MCF2L: variants seen among roughly 807,000 people sequenced by gnomAD.
MCF2L encodes the protein guanine nucleotide exchange factor DBS.
A neutral mutation model predicts 153.4 loss-of-function variants in MCF2L; 97 were observed. That is an observed-to-expected ratio of 0.63 (90% CI 0.54 to 0.75). The LOEUF (loss-of-function observed/expected upper bound fraction) is 0.75. MCF2L is among the 30% of genes least tolerant of loss of function. The pLI is 0.00. For missense variants in MCF2L, 1,347 were observed against 1,495.2 expected (o/e 0.90, Z 1.64); for synonymous variants, 659 against 632.2 (o/e 1.04, Z -0.64).
intron 1 of MCF2L, among the ~76,000 whole-genome samples, chr13:112,989,171 AGCT>A (rs2082790154): frequency 9.6e-6 from 1 of 104,110 alleles, no homozygotes; most frequent in Non-Finnish European, 2.2e-5. Context: ...CAGGGGATGG[AGCT>A]ACCACACCGG....
intron 4 of MCF2L, among the ~76,000 whole-genome samples, chr13:113,056,628 T>G (rs2029881526): frequency 2.5e-5 from 3 of 119,566 alleles, no homozygotes; most frequent in African/African-American, 3.2e-5. Context: ...TGCTGAGTGT[T>G]TGGGTGCTGT....
chr13:113,008,937 G>C (rs896331495), intron 1 of MCF2L: 1 of 142,880 alleles, frequency 7.0e-6, no homozygotes, highest in East Asian at 1.9e-4. Context: ...GCAGCGTGGA[G>C]AGGGAGCGCA....
chr13:112,939,592 C>T (rs1460370118), intron 2 of MCF2L, among the ~76,000 whole-genome samples: 1 of 152,212 alleles, frequency 6.6e-6, no homozygotes, highest in Non-Finnish European at 1.5e-5. Flanking sequence ...TGAAGATCCA[C>T]TGATGCTAAC....
rs146333822 is a variant in MCF2L at position 113,074,521 on chromosome 13, G to C, written c.1074G>C (p.Glu358Asp). The C allele has an allele frequency of 1.5e-4, 239 of 1,614,088 alleles. No individual in the cohort carries two copies. In the African/African-American group the frequency reaches 2.9e-3, roughly 20 times the overall value. ...TDIGNSLAHV[E>D]HLLRDLASFE... is the part of the protein sequence containing the mutation. ...TCGGCAACAGCCTGGCGCATGTGGA[G>C]CACCTGCTGAGGGACCTGGCCAGCT... The change falls in exon 10 of 30, where the codon GAG becomes GAC. Residue 358 changes from glutamate to aspartate, a missense_variant. Glu to Asp is a conservative substitution (Grantham distance 45). This residue lies in a region of MCF2L where 820 missense variants were observed against 921.2 expected (regional missense o/e 0.89). Transcript: ENST00000535094. This position sits in a 1 kb window ranked among gnomAD's most constrained non-coding sequence, Gnocchi z 4.2.
intron 23 of MCF2L, 103 bp from the exon 24 acceptor site, chr13:113,088,223 CT>C: frequency 9.6e-7 from 1 of 1,041,080 alleles, no homozygotes; most frequent in Non-Finnish European, 1.5e-6. Flanking sequence ...GCCACCTGAC[CT>C]TTGACTCCTA....
chr13:113,016,919 C>T (rs376540414), intron 2 of MCF2L, among the ~76,000 whole-genome samples: 28 of 152,314 alleles, frequency 1.8e-4, no homozygotes, highest in African/African-American at 6.0e-4. Flanking sequence ...AGCTGCCTCC[C>T]GGCTTCTAGA....
intron 1 of MCF2L, among the ~76,000 whole-genome samples, chr13:112,899,712 C>A (rs916802526): frequency 2.0e-5 from 3 of 152,202 alleles, no homozygotes; most frequent in Non-Finnish European, 4.4e-5. Context: ...CTCAGGACCC[C>A]GGAGCTGACT....
At chr13:112,942,572 G>C (rs901356599) in intron 2 of MCF2L, among the ~76,000 whole-genome samples, 1 of 152,116 alleles carries the variant, frequency 6.6e-6, no homozygotes, top group Non-Finnish European at 1.5e-5. Flanking sequence ...CTCCACACAC[G>C]GGGAGAAAAC....
At chr13:113,025,814 G>C (rs1462720571) in intron 3 of MCF2L, among the ~76,000 whole-genome samples, 1 of 148,908 alleles carries the variant, frequency 6.7e-6, no homozygotes, top group African/African-American at 2.5e-5. Context: ...CCCCGTGACT[G>C]TGGGTCGGGG....
At chr13:112,944,260 G>T (rs1270271583) in intron 2 of MCF2L, among the ~76,000 whole-genome samples, 1 of 152,020 alleles carries the variant, frequency 6.6e-6, no homozygotes. Flanking sequence ...ATGAAGGGAG[G>T]GTCCCGGGTG....
At chr13:112,929,840 G>A (rs2081443859) in intron 2 of MCF2L, among the ~76,000 whole-genome samples, 1 of 152,224 alleles carries the variant, frequency 6.6e-6, no homozygotes, top group Non-Finnish European at 1.5e-5. Context: ...GCAGTTGGCT[G>A]CTTGTTGTTT....
intron 2 of MCF2L, among the ~76,000 whole-genome samples, chr13:112,962,064 T>C (rs1463490200): frequency 1.0e-4 from 2 of 19,764 alleles, no homozygotes; most frequent in Admixed American, 3.9e-4. Flanking sequence ...CGCACACACA[T>C]GCACACACAA....
At chr13:113,015,769 C>T (rs1471568547) in intron 2 of MCF2L, among the ~76,000 whole-genome samples, 1 of 152,204 alleles carries the variant, frequency 6.6e-6, no homozygotes, top group Non-Finnish European at 1.5e-5. Flanking sequence ...GTGACTTGGT[C>T]CCTGCTTCCC....
chr13:112,963,808 G>A (rs965562010), intron 2 of MCF2L, among the ~76,000 whole-genome samples: 2 of 152,204 alleles, frequency 1.3e-5, no homozygotes, highest in African/African-American at 4.8e-5. Context: ...AGACGGGCTC[G>A]CAGCTGGGTG....
chr13:112,971,773 T>C (rs894919406), intron 1 of MCF2L, among the ~76,000 whole-genome samples: 1 of 152,224 alleles, frequency 6.6e-6, no homozygotes, highest in Non-Finnish European at 1.5e-5. Context: ...CCAGGGGCAC[T>C]TTCCAGTGGC....
At chr13:112,923,306 C>G (rs1250208559) in intron 2 of MCF2L, among the ~76,000 whole-genome samples, 2 of 135,972 alleles carry the variant, frequency 1.5e-5, no homozygotes, top group Admixed American at 1.6e-4. Context: ...CTCTGTCACC[C>G]AGGCTGGAGT....
intron 2 of MCF2L, among the ~76,000 whole-genome samples, chr13:113,020,122 C>T (rs940621575): frequency 7.2e-5 from 11 of 152,208 alleles, no homozygotes; most frequent in Admixed American, 4.6e-4. Context: ...CATCTCCACA[C>T]TGGCAGGAGG....
intron 1 of MCF2L, among the ~76,000 whole-genome samples, chr13:112,981,738 C>T (rs562332917): frequency 2.0e-5 from 3 of 152,330 alleles, no homozygotes; most frequent in South Asian, 2.1e-4. Context: ...TCCTTCAGGC[C>T]GGGCGGTGCG....
intron 1 of MCF2L, among the ~76,000 whole-genome samples, chr13:112,971,352 T>G (rs2082032552): frequency 6.6e-6 from 1 of 152,110 alleles, no homozygotes; most frequent in Non-Finnish European, 1.5e-5. Flanking sequence ...TGCTTCTCCT[T>G]CTGGGGTCAT....
Sources: allele counts gnomAD v4.1 joint callset (sites outside exome capture counted in the v4.1 genomes callset), GRCh38; gene constraint gnomAD v4.1.1; regional missense constraint gnomAD v4.1.1; non-coding constraint Gnocchi (gnomAD v3.1); transcripts MANE v1.5; gene names NCBI Gene and HGNC (gene_info 2026-07-23, HGNC 2026-07-21).